The following PHKB variants were observed in gnomAD, a reference collection of about 807,000 sequenced individuals.
The protein encoded by PHKB is phosphorylase b kinase regulatory subunit beta.
Under a neutral mutation model 152.1 loss-of-function variants are expected in PHKB, and 122 were observed. That is an observed-to-expected ratio of 0.80 (90% CI 0.69 to 0.93). The LOEUF is 0.93. PHKB is among the 40% of genes least tolerant of loss of function. PHKB has a pLI of 0.00. For missense variants in PHKB, 1,304 were observed against 1,328.4 expected, an observed-to-expected ratio of 0.98 and a Z score of 0.29; for synonymous variants, 436 against 464.9, an observed-to-expected ratio of 0.94 and a Z score of 0.80.
At chr16:47,540,671 G>T (rs62061090) in intron 6 of PHKB, among the ~76,000 whole-genome samples, 7 of 151,568 alleles carry the variant, frequency 4.6e-5, no homozygotes, top group Non-Finnish European at 8.8e-5. Context: ...ATTGGGGACG[G>T]GTTCCCCCAA....
chr16:47,535,823 C>G (rs2151664743), intron 6 of PHKB, among the ~76,000 whole-genome samples: 1 of 152,250 alleles, frequency 6.6e-6, no homozygotes, highest in Non-Finnish European at 1.5e-5. Context: ...ACTGAAAACA[C>G]CACAGATGAC....
At chr16:47,554,863 C>A (rs1237064430) in intron 7 of PHKB, among the ~76,000 whole-genome samples, 1 of 152,176 alleles carries the variant, frequency 6.6e-6, no homozygotes, top group Admixed American at 6.5e-5. Context: ...TCTAACCAGT[C>A]CCAGTGAGAT....
At chr16:47,562,224 G>T (rs1347492424) in intron 7 of PHKB, 2 of 152,216 alleles carry the variant, frequency 1.3e-5, no homozygotes, top group Admixed American at 6.6e-5. Flanking sequence ...CCTTTTTCAT[G>T]CCAGAAGTGA....
chr16:47,529,733 A>G (rs1970828946), intron 6 of PHKB: 1 of 152,178 alleles, frequency 6.6e-6, no homozygotes. Flanking sequence ...TCACACAACC[A>G]TTCCTGCTGC....
chr16:47,478,175 C>T (rs375485990), intron 1 of PHKB, among the ~76,000 whole-genome samples: 1 of 152,082 alleles, frequency 6.6e-6, no homozygotes, highest in East Asian at 1.9e-4. Flanking sequence ...TAGCAATTAT[C>T]ATGTATTTAA....
At chr16:47,612,029 T>A (rs1597123524) in intron 14 of PHKB, among the ~76,000 whole-genome samples, 1 of 152,154 alleles carries the variant, frequency 6.6e-6, no homozygotes, top group Non-Finnish European at 1.5e-5. Context: ...GAATAGTTTT[T>A]AAATTTTTGC....
intron 27 of PHKB, among the ~76,000 whole-genome samples, chr16:47,689,620 G>C (rs1974025367): frequency 6.6e-6 from 1 of 152,134 alleles, no homozygotes; most frequent in Non-Finnish European, 1.5e-5. Flanking sequence ...CTAGACTTGT[G>C]CTAAGCTTAC....
intron 14 of PHKB, among the ~76,000 whole-genome samples, chr16:47,611,465 G>A (rs1268125654): frequency 3.9e-5 from 6 of 152,180 alleles, no homozygotes; most frequent in Admixed American, 3.9e-4. Flanking sequence ...AGTATTAAAT[G>A]ATACCAGTAA....
intron 10 of PHKB, among the ~76,000 whole-genome samples, chr16:47,591,007 C>T (rs1972020049): frequency 6.6e-6 from 1 of 152,150 alleles, no homozygotes; most frequent in African/African-American, 2.4e-5. Context: ...ACAGAAGGAG[C>T]TCTCTGTTCT....
At chr16:47,614,086 GCATAGCA>G in intron 14 of PHKB, among the ~76,000 whole-genome samples, 1 of 152,312 alleles carries the variant, frequency 6.6e-6, no homozygotes, top group East Asian at 1.9e-4. Flanking sequence ...TGTACAGGAA[GCATAGCA>G]GCTTCCAGGC....
At position 47,660,809 on chromosome 16, in the gene PHKB, A is replaced by C. The variant is rs573384357; in HGVS notation, c.2186A>C (p.Gln729Pro). The change falls in exon 22 of 31, where the codon CAA becomes CCA. Residue 729 changes from glutamine to proline, a missense_variant. By Grantham distance (76) the Gln-to-Pro change is moderately conservative. Coordinates refer to ENST00000323584, the MANE Select transcript of PHKB (RefSeq NM_000293.3). ...GACAAACCCACCCACGAAATTCTTC[A>C]AAAACTGAATGTGAGACAGATGCAC... is the stretch of plus-strand genomic sequence containing the variant. ...WKDKPTHEIL[Q>P]KLNDCSCLAS... is the part of the protein sequence containing the mutation. 1.6e-4 allele frequency: 258 copies of C among 1,613,992 alleles called. 3 individuals are homozygous for C. In the South Asian group the frequency reaches 2.4e-3, roughly 15 times the overall value.
chr16:47,586,942 A>G (rs533063483), intron 8 of PHKB, among the ~76,000 whole-genome samples: 235 of 152,100 alleles, frequency 1.5e-3, no homozygotes, highest in Admixed American at 3.4e-3. Flanking sequence ...GTGTGCATAT[A>G]TACGTATATG....
At chr16:47,696,941 G>T (rs535337689) in intron 29 of PHKB, among the ~76,000 whole-genome samples, 1 of 152,328 alleles carries the variant, frequency 6.6e-6, no homozygotes, top group East Asian at 1.9e-4. Flanking sequence ...ACTAGCAAGA[G>T]ATCATTGCTG....
At chr16:47,574,910 TC>T (rs1328676400) in intron 7 of PHKB, among the ~76,000 whole-genome samples, 1 of 152,222 alleles carries the variant, frequency 6.6e-6, no homozygotes, top group African/African-American at 2.4e-5. Flanking sequence ...TCAGCTATAT[TC>T]TTTTTATTTC....
At chr16:47,505,833 GAGC>G (rs911401979) in intron 4 of PHKB, among the ~76,000 whole-genome samples, 1 of 151,870 alleles carries the variant, frequency 6.6e-6, no homozygotes, top group Non-Finnish European at 1.5e-5. Flanking sequence ...AGGAGTTCGA[GAGC>G]AGCCTGGCCA....
intron 7 of PHKB, among the ~76,000 whole-genome samples, chr16:47,574,715 T>C (rs1352128235): frequency 6.6e-6 from 1 of 152,104 alleles, no homozygotes; most frequent in Non-Finnish European, 1.5e-5. Flanking sequence ...GAACTCAGAC[T>C]AAGAACTCAC....
At chr16:47,683,387 C>A (rs1973900063) in intron 26 of PHKB, among the ~76,000 whole-genome samples, 1 of 152,208 alleles carries the variant, frequency 6.6e-6, no homozygotes, top group Admixed American at 6.5e-5. Context: ...GCAGGCAGGC[C>A]TCCTTGAGCT....
Position 47,589,163 on chromosome 16 carries a change from G to A in PHKB, c.1068+61G>A, listed in dbSNP as rs1403484737. The stretch of plus-strand genomic sequence containing the variant: ...AGCAATCAAAAGCACAGATTCAGGA[G>A]ACTGACCATTGGGTTTGAATTCTGG... On this transcript the variant is annotated intron_variant, in intron 10 of 30. Coordinates refer to ENST00000323584, the MANE Select transcript of PHKB (RefSeq NM_000293.3). 6 of 1,270,608 alleles carry A rather than the reference G, an allele frequency of 4.7e-6. No homozygotes were observed. In the African/African-American group the frequency reaches 7.4e-5, roughly 16 times the overall value. The allele number at this position is 1,270,608 out of a possible 1,614,324, so 78.7% of individuals were successfully genotyped here.
At position 47,698,601 on chromosome 16, in the gene PHKB, C is replaced by CTT. The variant is rs5816579; in HGVS notation, c.3144+33_3144+34dup. ...AATTGAAAAACAAGTAAGTACACAGCTTTTTTTTTTTTTTTTTTTTTGAGA... is the reference window on the plus strand; with the variant it reads ...AATTGAAAAACAAGTAAGTACACAGCTTTTTTTTTTTTTTTTTTTTTTTGAGA... On this transcript the variant is annotated intron_variant, in intron 30 of 30. Coordinates refer to ENST00000323584, the MANE Select transcript of PHKB (RefSeq NM_000293.3). 0.16 allele frequency: 112,139 copies of CTT among 713,294 alleles called. 285 individuals are homozygous for CTT. The highest frequency in any genetic ancestry group is 0.2 in the South Asian group (8,757 of 42,744). The allele number at this position is 713,294 out of a possible 1,614,324, so 44.2% of individuals were successfully genotyped here.
Sources: allele counts gnomAD v4.1 joint callset (sites outside exome capture counted in the v4.1 genomes callset), GRCh38; gene constraint gnomAD v4.1.1; transcripts MANE v1.5; gene names NCBI Gene and HGNC (gene_info 2026-07-23, HGNC 2026-07-21).